Variants in CMSS1 observed in about 807,000 individuals in gnomAD.
CMSS1 encodes the protein protein CMSS1.
CMSS1 carries 33 observed loss-of-function variants against 43.5 expected under a neutral mutation model. The observed-to-expected ratio is 0.76, with a 90% CI of 0.57 to 1.01. The LOEUF is 1.01. Among genes scored for constraint, CMSS1 ranks in the 50% least tolerant of loss-of-function variants. The probability of loss-of-function intolerance (pLI) is 0.00; values close to 1 mark genes in which losing one functional copy is unlikely to be tolerated. For missense variants in CMSS1, 313 were observed against 326.4 expected (o/e 0.96, Z 0.32); for synonymous variants, 115 against 117.2 (o/e 0.98, Z 0.12).
intron 1 of CMSS1, among the ~76,000 whole-genome samples, chr3:100,111,964 C>T (rs2066498728): frequency 6.6e-6 from 1 of 152,176 alleles, no homozygotes; most frequent in South Asian, 2.1e-4. Context: ...CAGATTCCTA[C>T]ACTCAGGGCA....
At chr3:99,978,635 C>T (rs372459054) in intron 1 of CMSS1, among the ~76,000 whole-genome samples, 1 of 152,116 alleles carries the variant, frequency 6.6e-6, no homozygotes, top group Non-Finnish European at 1.5e-5. Context: ...GGGCTCTCCC[C>T]TGTAATCCCA....
chr3:99,905,187 C>T (rs761625525), intron 1 of CMSS1, among the ~76,000 whole-genome samples: 1 of 152,224 alleles, frequency 6.6e-6, no homozygotes, highest in Non-Finnish European at 1.5e-5. Context: ...CAGGCCAACT[C>T]TTTGCTTTCC....
intron 4 of CMSS1, among the ~76,000 whole-genome samples, chr3:100,165,401 C>A (rs2067057871): frequency 6.6e-6 from 1 of 151,978 alleles, no homozygotes; most frequent in Non-Finnish European, 1.5e-5. Flanking sequence ...CTAATCCAAA[C>A]TCTATTTTCA....
intron 1 of CMSS1, among the ~76,000 whole-genome samples, chr3:99,825,370 C>T (rs1423094411): frequency 6.6e-6 from 1 of 151,872 alleles, no homozygotes; most frequent in Non-Finnish European, 1.5e-5. Context: ...AACACAGGGG[C>T]AGGATGAATT....
intron 1 of CMSS1, among the ~76,000 whole-genome samples, chr3:100,062,357 C>T (rs555375986): frequency 2.6e-5 from 4 of 152,046 alleles, no homozygotes; most frequent in Admixed American, 6.5e-5. Flanking sequence ...GCGATCCACC[C>T]GTCTCGGCCT....
chr3:99,831,534 C>G (rs1942669906), intron 1 of CMSS1, among the ~76,000 whole-genome samples: 1 of 152,184 alleles, frequency 6.6e-6, no homozygotes, highest in African/African-American at 2.4e-5. Context: ...ACCATATTAT[C>G]CAAGCCATGA....
At chr3:100,063,380 A>C (rs763983321) in intron 1 of CMSS1, among the ~76,000 whole-genome samples, 1 of 152,200 alleles carries the variant, frequency 6.6e-6, no homozygotes, top group Non-Finnish European at 1.5e-5. Context: ...ATTACTATAT[A>C]TCTGAATTAT....
chr3:100,117,758 T>C (rs1468383521), intron 1 of CMSS1, among the ~76,000 whole-genome samples: 2 of 147,678 alleles, frequency 1.4e-5, no homozygotes, highest in Non-Finnish European at 3.0e-5. Context: ...CACTTTTTTT[T>C]TTTACCATCA....
intron 1 of CMSS1, among the ~76,000 whole-genome samples, chr3:99,996,026 C>A (rs1469613531): frequency 6.6e-6 from 1 of 152,250 alleles, no homozygotes; most frequent in Non-Finnish European, 1.5e-5. Context: ...ATTTCTGCAG[C>A]TGGCTTGAAT....
intron 1 of CMSS1, among the ~76,000 whole-genome samples, chr3:99,904,652 A>G (rs1337430678): frequency 6.6e-6 from 1 of 151,314 alleles, no homozygotes; most frequent in Non-Finnish European, 1.5e-5. Context: ...ATGGCTGCTT[A>G]TTGCCTTCCA....
At chr3:99,890,785 T>A (rs369278540) in intron 1 of CMSS1, among the ~76,000 whole-genome samples, 2 of 152,114 alleles carry the variant, frequency 1.3e-5, no homozygotes, top group African/African-American at 2.4e-5. Context: ...TATTTAAATA[T>A]CTGAGGTCTT....
chr3:99,983,876 A>G (rs1186197616), intron 1 of CMSS1, among the ~76,000 whole-genome samples: 1 of 152,146 alleles, frequency 6.6e-6, no homozygotes, highest in Non-Finnish European at 1.5e-5. Context: ...AACTTGCCAG[A>G]AGAAGTAACA....
At chr3:99,855,744 T>C (rs1428674177) in intron 1 of CMSS1, among the ~76,000 whole-genome samples, 1 of 152,244 alleles carries the variant, frequency 6.6e-6, no homozygotes, top group African/African-American at 2.4e-5. Context: ...TTTAAATGTT[T>C]GTTCTTATAT....
At chr3:100,155,040 C>T (rs569539104) in intron 2 of CMSS1, among the ~76,000 whole-genome samples, 4 of 152,312 alleles carry the variant, frequency 2.6e-5, no homozygotes, top group South Asian at 2.1e-4. Flanking sequence ...GAGAAAACTT[C>T]AGCTTCTCTA....
At chr3:99,882,214 A>G (rs1705752025) in intron 1 of CMSS1, among the ~76,000 whole-genome samples, 1 of 152,248 alleles carries the variant, frequency 6.6e-6, no homozygotes, top group Non-Finnish European at 1.5e-5. Context: ...GATTATTTTT[A>G]TGAAAATTAC....
chr3:100,062,281 T>C (rs2065586113), intron 1 of CMSS1, among the ~76,000 whole-genome samples: 1 of 151,718 alleles, frequency 6.6e-6, no homozygotes, highest in Non-Finnish European at 1.5e-5. Flanking sequence ...CCAGCTATTT[T>C]TTTGTATTTT....
chr3:99,876,090 G>T, intron 1 of CMSS1: 2 of 986,384 alleles, frequency 2.0e-6, no homozygotes, highest in South Asian at 9.3e-5. Context: ...CCTGCGCCGG[G>T]GCCGGGCGGG....
At chr3:99,907,922 A>G (rs1421100675) in intron 1 of CMSS1, among the ~76,000 whole-genome samples, 1 of 152,236 alleles carries the variant, frequency 6.6e-6, no homozygotes, top group Non-Finnish European at 1.5e-5. Flanking sequence ...TGCCTGGCAC[A>G]TGGAAGGAAC....
At chr3:100,094,283 G>A (rs1194349502) in intron 1 of CMSS1, among the ~76,000 whole-genome samples, 1 of 152,084 alleles carries the variant, frequency 6.6e-6, no homozygotes, top group Non-Finnish European at 1.5e-5. Context: ...TGATTGGATT[G>A]TTCTTTATTG....
Sources: allele counts gnomAD v4.1 joint callset (sites outside exome capture counted in the v4.1 genomes callset), GRCh38; gene constraint gnomAD v4.1.1; transcripts MANE v1.5; gene names NCBI Gene and HGNC (gene_info 2026-07-23, HGNC 2026-07-21).